The following PDGFD variants were observed in gnomAD, a reference collection of about 807,000 sequenced individuals.
The protein encoded by PDGFD is platelet-derived growth factor D.
A neutral mutation model predicts 44.7 loss-of-function variants in PDGFD; 30 were observed. The ratio of observed to expected loss-of-function variants is 0.67; its 90% CI spans 0.50 to 0.91. The LOEUF (loss-of-function observed/expected upper bound fraction) is 0.91, where lower values mean the gene tolerates loss of function less well. Among genes scored for constraint, PDGFD ranks in the 40% least tolerant of loss-of-function variants. The pLI is 0.00. For missense variants in PDGFD, 445 were observed against 457.8 expected, an observed-to-expected ratio of 0.97 and a Z score of 0.25; for synonymous variants, 173 against 168.4, an observed-to-expected ratio of 1.03 and a Z score of -0.21.
intron 1 of PDGFD, among the ~76,000 whole-genome samples, chr11:104,091,300 A>AT (rs1242480219): frequency 2.0e-5 from 3 of 152,026 alleles, no homozygotes; most frequent in African/African-American, 7.2e-5. Context: ...AGAATCAGGA[A>AT]TTTTTTTTCT....
At chr11:104,009,266 A>G (rs1859747483) in intron 1 of PDGFD, among the ~76,000 whole-genome samples, 1 of 152,090 alleles carries the variant, frequency 6.6e-6, no homozygotes, top group African/African-American at 2.4e-5. Flanking sequence ...AACAAAAGTA[A>G]AATAGTTTGC....
At chr11:103,928,040 A>G (rs1174090289) in intron 5 of PDGFD, among the ~76,000 whole-genome samples, 1 of 152,250 alleles carries the variant, frequency 6.6e-6, no homozygotes, top group Non-Finnish European at 1.5e-5. Context: ...TTTGGACATT[A>G]TATAAATGAT....
chr11:104,012,536 G>C (rs565948596), intron 1 of PDGFD, among the ~76,000 whole-genome samples: 3 of 152,160 alleles, frequency 2.0e-5, no homozygotes, highest in African/African-American at 7.2e-5. Flanking sequence ...GTTTTAGAAT[G>C]AAACAAGCTT....
intron 1 of PDGFD, among the ~76,000 whole-genome samples, chr11:104,013,790 A>G (rs1859820901): frequency 6.6e-6 from 1 of 151,882 alleles, no homozygotes; most frequent in Non-Finnish European, 1.5e-5. Flanking sequence ...CATTGTTATT[A>G]TTATAAATCA....
At chr11:103,984,379 C>A (rs1565302634) in intron 3 of PDGFD, among the ~76,000 whole-genome samples, 3 of 151,386 alleles carry the variant, frequency 2.0e-5, no homozygotes, top group African/African-American at 4.9e-5. Flanking sequence ...TGGACACATA[C>A]AGGGGAACAA....
At chr11:103,914,882 T>C (rs10895540) in intron 6 of PDGFD, among the ~76,000 whole-genome samples, 69,641 of 152,072 alleles carry the variant, frequency 0.46, 16,055 homozygotes, top group South Asian at 0.49. Context: ...AAAAGGCCTT[T>C]GTCAAAATTC....
intron 1 of PDGFD, chr11:104,036,749 C>G (rs958114130): frequency 8.2e-7 from 1 of 1,220,672 alleles, no homozygotes; most frequent in African/African-American, 1.5e-5. Context: ...GCGGCACCAA[C>G]GACGCAGGCC....
intron 1 of PDGFD, chr11:104,037,879 A>T: frequency 6.2e-7 from 1 of 1,614,182 alleles, no homozygotes; most frequent in Non-Finnish European, 8.5e-7. Context: ...GGTCATCGGC[A>T]CCACTGGCAC....
At chr11:104,136,202 A>C (rs541132893) in intron 1 of PDGFD, among the ~76,000 whole-genome samples, 8 of 152,338 alleles carry the variant, frequency 5.3e-5, no homozygotes, top group Admixed American at 1.3e-4. Flanking sequence ...TCTATGACTT[A>C]ATCCTTAGAG....
At chr11:104,144,396 C>T (rs749297701) in intron 1 of PDGFD, among the ~76,000 whole-genome samples, 2 of 150,522 alleles carry the variant, frequency 1.3e-5, no homozygotes, top group Non-Finnish European at 2.9e-5. Flanking sequence ...ATCCCAGCTA[C>T]TCGGGAGGCT....
At chr11:104,084,998 C>T (rs1412530996) in intron 1 of PDGFD, among the ~76,000 whole-genome samples, 1 of 149,592 alleles carries the variant, frequency 6.7e-6, no homozygotes, top group Non-Finnish European at 1.5e-5. Context: ...ACCCCAACTT[C>T]CCCCAATGAT....
At chr11:104,114,731 A>G (rs1352696728) in intron 1 of PDGFD, among the ~76,000 whole-genome samples, 2 of 152,020 alleles carry the variant, frequency 1.3e-5, no homozygotes, top group African/African-American at 4.8e-5. Flanking sequence ...ATACATGACC[A>G]TAGAATATCT....
At chr11:104,161,900 ATGACAT>A (rs1200706615) in intron 1 of PDGFD, among the ~76,000 whole-genome samples, 1 of 152,060 alleles carries the variant, frequency 6.6e-6, no homozygotes, top group Non-Finnish European at 1.5e-5. Flanking sequence ...TGCTTGTAAG[ATGACAT>A]TGACATTGAG....
chr11:104,105,813 T>C (rs924267340), intron 1 of PDGFD, among the ~76,000 whole-genome samples: 4 of 152,148 alleles, frequency 2.6e-5, no homozygotes, highest in African/African-American at 9.7e-5. Flanking sequence ...AAAGTTTTGC[T>C]GGAAAACTTT....
intron 1 of PDGFD, among the ~76,000 whole-genome samples, chr11:104,140,212 C>A (rs1439279782): frequency 2.6e-5 from 4 of 152,092 alleles, no homozygotes; most frequent in East Asian, 3.9e-4. Flanking sequence ...AAATATAGCA[C>A]AAAATTATAA....
intron 1 of PDGFD, among the ~76,000 whole-genome samples, chr11:104,150,799 C>A (rs12293507): frequency 0.21 from 31,675 of 152,084 alleles, 3,369 homozygotes; most frequent in East Asian, 0.26. Flanking sequence ...ACACTTGTGA[C>A]TGCATTTAGG....
At chr11:104,158,599 G>A (rs530796712) in intron 1 of PDGFD, among the ~76,000 whole-genome samples, 10 of 152,272 alleles carry the variant, frequency 6.6e-5, no homozygotes, top group Non-Finnish European at 1.0e-4. Flanking sequence ...TTGGGAGACC[G>A]AGGCCAGCGG....
intron 3 of PDGFD, among the ~76,000 whole-genome samples, chr11:103,980,554 T>G (rs35788256): frequency 6.6e-6 from 1 of 151,862 alleles, no homozygotes; most frequent in Non-Finnish European, 1.5e-5. Context: ...AACTGGGAAG[T>G]GGAATCTCAC....
chr11:104,036,718 C>T (rs1365320162), intron 1 of PDGFD: 4 of 868,300 alleles, frequency 4.6e-6, no homozygotes, highest in East Asian at 2.4e-5. Flanking sequence ...ACGGTCCCTA[C>T]CTACCAAGTC....
Sources: allele counts gnomAD v4.1 joint callset (sites outside exome capture counted in the v4.1 genomes callset), GRCh38; gene constraint gnomAD v4.1.1; transcripts MANE v1.5; gene names NCBI Gene and HGNC (gene_info 2026-07-23, HGNC 2026-07-21).